The following IFI16 variants were observed in gnomAD, a reference collection of about 807,000 sequenced individuals.
IFI16 encodes interferon gamma inducible protein 16, also known as gamma-interferon-inducible protein 16.
A neutral mutation model predicts 68.4 loss-of-function variants in IFI16; 49 were observed. The ratio of observed to expected loss-of-function variants is 0.72; its 90% CI spans 0.57 to 0.91. The LOEUF is 0.91. Ranked by LOEUF, IFI16 falls within the 40% of genes least tolerant of loss-of-function variation. IFI16 has a pLI of 0.00. For missense variants in IFI16, 878 were observed against 942.9 expected (o/e 0.93, Z 0.90); for synonymous variants, 307 against 315.0 (o/e 0.97, Z 0.27).
chr1:159,052,359 A>G (rs2101935185), intron 10 of IFI16: 1 of 463,776 alleles, frequency 2.2e-6, no homozygotes, highest in Non-Finnish European at 3.9e-6. Flanking sequence ...AGTTTTGATG[A>G]TCTATTCAGA....
At chr1:159,018,753 T>G (rs1379043068) in intron 5 of IFI16, 102 bp downstream of exon 5, 1 of 817,030 alleles carries the variant, frequency 1.2e-6, no homozygotes, top group African/African-American at 1.7e-5. Context: ...GATATTAGAA[T>G]CCAGGACTCT....
At chr1:159,048,421 C>T (rs1441578099) in intron 8 of IFI16, among the ~76,000 whole-genome samples, 4 of 151,448 alleles carry the variant, frequency 2.6e-5, no homozygotes, top group Non-Finnish European at 4.4e-5. Context: ...TCAAATGCAG[C>T]CTTATTGAAC....
intron 6 of IFI16, among the ~76,000 whole-genome samples, chr1:159,021,397 A>G (rs1295373946): frequency 6.6e-6 from 1 of 152,182 alleles, no homozygotes; most frequent in African/African-American, 2.4e-5. Context: ...ATGGTCTCCA[A>G]TTCCATCCGG....
intron 7 of IFI16, among the ~76,000 whole-genome samples, chr1:159,043,366 C>T (rs1379184683): frequency 6.6e-6 from 1 of 152,236 alleles, no homozygotes; most frequent in East Asian, 1.9e-4. Context: ...TTTCTAAGAC[C>T]TTGCCTGCCT....
rs552205251 is a variant in IFI16, at chr1:159,037,329, C to G, written c.1329+4638C>G. On this transcript the variant is annotated intron_variant, in intron 7 of 11. Transcript: ENST00000295809. Reference sequence around the variant, plus strand: ...TTAATAACACAGTGCATTACTTCTGCTTTGGTGACCAGCCCAAAGGTTGTC... The same window carrying G: ...TTAATAACACAGTGCATTACTTCTGGTTTGGTGACCAGCCCAAAGGTTGTC... Among the ~76,000 whole-genome samples, 255 of 152,322 alleles carry G rather than the reference C, an allele frequency of 1.7e-3. 1 individual carries two copies. The highest frequency in any genetic ancestry group is 5.0e-3 in the South Asian group (24 of 4,828).
chr1:159,049,636 A>G, intron 9 of IFI16, 37 bp downstream of exon 9: 3 of 1,612,390 alleles, frequency 1.9e-6, no homozygotes, highest in Non-Finnish European at 2.5e-6. Flanking sequence ...TCCCCTCGCT[A>G]CTATATAATG....
Position 159,030,921 on chromosome 1 carries a change from G to C in IFI16, c.1162-1603G>C, listed in dbSNP as rs565234161. ...CAAGAGATTATGTCCTTTGTCTTCT[G>C]GCTACCAGGGCAGGTAGAGAAAGAC... On this transcript the variant is annotated intron_variant, in intron 6 of 11. Transcript: ENST00000295809. 2.0e-4 allele frequency among the ~76,000 whole-genome samples: 31 copies of C among 152,020 alleles called. No homozygotes were observed. The South Asian group carries it at 6.5e-3, about 32-fold the overall frequency.
rs1366786893 is a variant in IFI16, at chr1:159,046,848, A to G, written c.1497+1384A>G. Among the ~76,000 whole-genome samples the G allele has an allele frequency of 1.3e-5, 2 of 151,326 alleles. 1 individual carries two copies. Among genetic ancestry groups the G allele is most frequent in the Non-Finnish European group, 3.0e-5 (2 of 67,630 alleles). On this transcript the variant is annotated intron_variant, in intron 8 of 11. Transcript: ENST00000295809. ...AGGTACCTTTCTATTTCTTTAGAGC[A>G]TTTATCATAGCTATAATAAACCTAT...
intron 2 of IFI16, chr1:159,015,551 AAC>A (rs1652866709): frequency 5.3e-6 from 1 of 188,526 alleles, no homozygotes; most frequent in African/African-American, 2.3e-5. Flanking sequence ...TAGTTTTTAA[AAC>A]AAAATGATCG....
At chr1:159,031,718 G>A (rs143462970) in intron 6 of IFI16, among the ~76,000 whole-genome samples, 2 of 152,174 alleles carry the variant, frequency 1.3e-5, no homozygotes, top group African/African-American at 4.8e-5. Context: ...GCAGCAGTCC[G>A]CTTTTTTTCA....
Position 159,018,302 on chromosome 1 carries a change from A to G in IFI16, c.623A>G (p.Lys208Arg), listed in dbSNP as rs762855973. ...CTCCAAAAACGCCCAGTGATAGTGA[A>G]GGTACTGAGTACAACAAAGCCATTT... The part of the protein sequence containing the change: ...NVLQKRPVIV[K>R]VLSTTKPFEY... The change falls in exon 5 of 12, where the codon AAG becomes AGG. Residue 208 changes from lysine (K) to arginine (R), a missense_variant. Lys to Arg is a conservative substitution (Grantham distance 26, BLOSUM62 2). Transcript: ENST00000295809. 2 of 1,614,120 alleles carry G rather than the reference A, an allele frequency of 1.2e-6. No individual in the cohort carries two copies. The highest frequency in any genetic ancestry group is 1.7e-6 in the Non-Finnish European group (2 of 1,179,922).
At chr1:159,036,199 A>G (rs1051794204) in intron 7 of IFI16, among the ~76,000 whole-genome samples, 1 of 152,158 alleles carries the variant, frequency 6.6e-6, no homozygotes, top group African/African-American at 2.4e-5. Flanking sequence ...TGTATTCTTT[A>G]TGTATATTGT....
intron 7 of IFI16, among the ~76,000 whole-genome samples, chr1:159,044,209 A>T (rs1654842769): frequency 6.6e-6 from 1 of 152,168 alleles, no homozygotes; most frequent in African/African-American, 2.4e-5. Context: ...CTGAGGTGCA[A>T]AGAAATCTTC....
At chr1:159,007,105 C>G (rs1451417113), upstream of IFI16, among the ~76,000 whole-genome samples, 1 of 152,194 alleles carries the variant, frequency 6.6e-6, no homozygotes, top group African/African-American at 2.4e-5. Flanking sequence ...TAAACTTTGA[C>G]TTCTAATTTC....
chr1:159,051,826 G>T lies in IFI16; in HGVS notation c.1813G>T (p.Ala605Ser). The T allele has an allele frequency of 6.2e-7, 1 of 1,614,142 alleles. No individual in the cohort carries two copies. The highest frequency in any genetic ancestry group is 1.1e-5 in the South Asian group (1 of 91,084). Residue 605 changes from alanine to serine, a missense_variant, in exon 10 of 12, where the codon GCA becomes TCA. Coordinates refer to ENST00000295809, the MANE Select transcript of IFI16 (RefSeq NM_001376587.1). ...GAAGAAAATGTTTCATGCCACAGTG[G>T]CAACTGAGAATGAAGTCTTCCGAGT... ...EQKKMFHATV[A>S]TENEVFRVKV... is the part of the protein sequence containing the mutation.
At chr1:159,037,060 C>A (rs1654367990) in intron 7 of IFI16, among the ~76,000 whole-genome samples, 1 of 152,154 alleles carries the variant, frequency 6.6e-6, no homozygotes, top group Non-Finnish European at 1.5e-5. Context: ...AGAGGCTATG[C>A]CTAGTGAAGT....
At chr1:159,012,203 A>G (rs1557861543) in intron 1 of IFI16, among the ~76,000 whole-genome samples, 2 of 152,212 alleles carry the variant, frequency 1.3e-5, no homozygotes, top group Non-Finnish European at 2.9e-5. Context: ...GTATCACAAA[A>G]TAGTTTTTGA....
intron 6 of IFI16, among the ~76,000 whole-genome samples, chr1:159,030,251 C>G (rs761178468): frequency 1.3e-5 from 2 of 151,950 alleles, no homozygotes; most frequent in Non-Finnish European, 2.9e-5. Flanking sequence ...TCTCTGGTGC[C>G]TCCTTGGGTA....
chr1:159,028,330 G>C (rs12093523), intron 6 of IFI16, among the ~76,000 whole-genome samples: 43,042 of 151,918 alleles, frequency 0.28, 8,199 homozygotes, highest in African/African-American at 0.54. Context: ...TTTTAAGGTT[G>C]CTTACAGTTG....
Sources: allele counts gnomAD v4.1 joint callset (sites outside exome capture counted in the v4.1 genomes callset), GRCh38; gene constraint gnomAD v4.1.1; transcripts MANE v1.5; gene names NCBI Gene and HGNC (gene_info 2026-07-23, HGNC 2026-07-21).